The following ECD variants were observed in gnomAD, a reference collection of about 807,000 sequenced individuals.
The protein encoded by ECD is protein ecdysoneless homolog.
A neutral mutation model predicts 77.2 loss-of-function variants in ECD; 59 were observed. That is an observed-to-expected ratio of 0.76 (90% CI 0.62 to 0.95). ECD has a LOEUF of 0.95. Ranked by LOEUF, ECD falls within the 40% of genes least tolerant of loss-of-function variation. ECD has a pLI of 0.00. For missense variants in ECD, 704 were observed against 763.4 expected, an observed-to-expected ratio of 0.92 and a Z score of 0.92; for synonymous variants, 233 against 267.4, an observed-to-expected ratio of 0.87 and a Z score of 1.26.
At chr10:73,161,447 A>G (rs1022636363) in intron 2 of ECD, among the ~76,000 whole-genome samples, 29 of 152,204 alleles carry the variant, frequency 1.9e-4, no homozygotes, top group African/African-American at 6.8e-4. Flanking sequence ...AGTAAGTTGG[A>G]TAACCTATAA....
intron 3 of ECD, among the ~76,000 whole-genome samples, chr10:73,158,462 G>A (rs1019689956): frequency 2.6e-5 from 4 of 152,026 alleles, no homozygotes; most frequent in African/African-American, 4.8e-5. Flanking sequence ...TAGGCTGGGC[G>A]CAGTGGCTCA....
At chr10:73,149,605 T>A (rs1843176407) in intron 7 of ECD, among the ~76,000 whole-genome samples, 1 of 152,352 alleles carries the variant, frequency 6.6e-6, no homozygotes, top group African/African-American at 2.4e-5. Flanking sequence ...CCCAACTGTA[T>A]GCTAATGTAA....
intron 3 of ECD, among the ~76,000 whole-genome samples, chr10:73,159,883 G>T (rs1487782308): frequency 6.6e-6 from 1 of 150,888 alleles, no homozygotes; most frequent in Non-Finnish European, 1.5e-5. Context: ...CAAATGATCC[G>T]CCTGCCTCGG....
At chr10:73,161,933 A>G (rs1375154844) in intron 2 of ECD, among the ~76,000 whole-genome samples, 1 of 152,230 alleles carries the variant, frequency 6.6e-6, no homozygotes, top group Non-Finnish European at 1.5e-5. Flanking sequence ...AGGTCAAACA[A>G]GTGCATTACA....
intron 9 of ECD, among the ~76,000 whole-genome samples, chr10:73,145,450 A>G (rs1336400320): frequency 3.9e-5 from 6 of 152,074 alleles, no homozygotes; most frequent in Non-Finnish European, 7.4e-5. Flanking sequence ...AAAACCACAA[A>G]CTTTGGGAAT....
chr10:73,134,956 GA>G, intron 13 of ECD, 143 bp from the exon 14 acceptor site: 1 of 715,444 alleles, frequency 1.4e-6, no homozygotes, highest in Non-Finnish European at 2.3e-6. Flanking sequence ...GATATAAACT[GA>G]AAATGAAGTC....
At chr10:73,139,873 A>G (rs2133249269) in intron 9 of ECD, 136 bp from the exon 10 acceptor site, 2 of 581,054 alleles carry the variant, frequency 3.4e-6, no homozygotes, top group South Asian at 5.0e-5. Context: ...TTTTTAAGAG[A>G]TGGGGTTTCA....
At chr10:73,148,459 T>C in intron 7 of ECD, 55 bp from the exon 8 acceptor site, 2 of 1,576,138 alleles carry the variant, frequency 1.3e-6, no homozygotes, top group Admixed American at 1.8e-5. Flanking sequence ...CCGTATCTTA[T>C]TATAACACAT....
chr10:73,139,513 A>T lies in ECD; in HGVS notation c.1235-18T>A, dbSNP rs777368436. On this transcript the variant is annotated intron_variant, in intron 10 of 13. Transcript: ENST00000372979. ...CTGGTCATCTGAAAAAGAAGAAAGC[A>T]TAATACTGCCATTCTACATTCACAT... 5 of 1,610,654 alleles carry T rather than the reference A, an allele frequency of 3.1e-6. No individual in the cohort carries two copies. In the African/African-American group the frequency reaches 5.4e-5, roughly 17 times the overall value.
intron 5 of ECD, among the ~76,000 whole-genome samples, chr10:73,154,842 G>A (rs1843275091): frequency 6.6e-6 from 1 of 151,870 alleles, no homozygotes; most frequent in East Asian, 2.0e-4. Flanking sequence ...GCTGACATAG[G>A]AGAATCGCTT....
At chr10:73,143,704 A>G (rs1461734318) in intron 9 of ECD, among the ~76,000 whole-genome samples, 1 of 151,588 alleles carries the variant, frequency 6.6e-6, no homozygotes, top group Non-Finnish European at 1.5e-5. Flanking sequence ...ATTACACTCT[A>G]TGTTAAATGT....
intron 12 of ECD, among the ~76,000 whole-genome samples, chr10:73,137,416 A>G (rs1321919451): frequency 2.0e-5 from 3 of 152,140 alleles, no homozygotes; most frequent in South Asian, 4.1e-4. Flanking sequence ...AATTCCAAAA[A>G]AGAACAATAT....
At position 73,164,019 on chromosome 10, in the gene ECD, T is replaced by A. The variant is rs1388530861; in HGVS notation, c.-13-69A>T. 4 of 1,379,602 alleles carry A rather than the reference T, an allele frequency of 2.9e-6. No individual in the cohort carries two copies. In the Admixed American group the frequency reaches 5.6e-5, roughly 19 times the overall value. 85.5% of individuals were successfully genotyped at this position (1,379,602 alleles called of 1,614,324 possible). A position where few individuals can be genotyped will look rare whatever the true frequency, so the allele number is the denominator to read the frequency against. On this transcript the variant is annotated intron_variant, in intron 1 of 13. Transcript: ENST00000372979. ...GAAGTAACATCTGAACTCTTTTAGA[T>A]GGTTCTATGAACACTGTTTTCTAAA...
Position 73,146,387 on chromosome 10 carries a change from G to T in ECD, c.1042-26C>A, listed in dbSNP as rs374727566. ...CTTAAAAAAAAAAAAAGGTCTATCA[G>T]AACATTACTCACAAGTTGTCATGAA... On this transcript the variant is annotated intron_variant, in intron 8 of 13. Transcript: ENST00000372979. The T allele has an allele frequency of 8.3e-6, 12 of 1,442,202 alleles. 1 individual carries two copies. In the East Asian group the frequency reaches 1.9e-4, roughly 23 times the overall value. The allele number at this position is 1,442,202 out of a possible 1,614,324, so 89.3% of individuals were successfully genotyped here. A position where few individuals can be genotyped will look rare whatever the true frequency, so the allele number is the denominator to read the frequency against.
intron 8 of ECD, among the ~76,000 whole-genome samples, chr10:73,146,833 C>T (rs1312403956): frequency 1.3e-5 from 2 of 151,902 alleles, no homozygotes; most frequent in African/African-American, 2.4e-5. Flanking sequence ...AAACAAAGTA[C>T]AGAAAGTTTG....
At chr10:73,165,355 T>C (rs981305823) in intron 1 of ECD, among the ~76,000 whole-genome samples, 1 of 151,968 alleles carries the variant, frequency 6.6e-6, no homozygotes, top group Non-Finnish European at 1.5e-5. Flanking sequence ...TTTCTTTTTC[T>C]TTTCTTTTTT....
chr10:73,139,847 GTGTTT>G, intron 9 of ECD, 110 bp from the exon 10 acceptor site: 2 of 500,490 alleles, frequency 4.0e-6, no homozygotes, highest in East Asian at 4.5e-5. Context: ...AATTTGGGGA[GTGTTT>G]TTTTTTTTTT....
chr10:73,144,563 G>C (rs1201738917), intron 9 of ECD, among the ~76,000 whole-genome samples: 1 of 152,194 alleles, frequency 6.6e-6, no homozygotes, highest in East Asian at 1.9e-4. Context: ...GGGGGGAAAA[G>C]AGGGGATAGT....
chr10:73,154,187 G>GA (rs1324760945), intron 6 of ECD, 69 bp downstream of exon 6: 1 of 1,456,824 alleles, frequency 6.9e-7, no homozygotes, highest in Non-Finnish European at 9.1e-7. Context: ...AATGTAAAAA[G>GA]AAAAAAATAA....
Sources: allele counts gnomAD v4.1 joint callset (sites outside exome capture counted in the v4.1 genomes callset), GRCh38; gene constraint gnomAD v4.1.1; transcripts MANE v1.5; gene names NCBI Gene and HGNC (gene_info 2026-07-23, HGNC 2026-07-21).